The following PLD5 variants were observed in gnomAD, a reference collection of about 807,000 sequenced individuals.
PLD5 encodes phospholipase D family member 5.
A neutral mutation model predicts 61.1 loss-of-function variants in PLD5; 36 were observed. The ratio of observed to expected loss-of-function variants is 0.59; its 90% CI spans 0.45 to 0.78. PLD5 has a LOEUF of 0.78. Among genes scored for constraint, PLD5 ranks in the 30% least tolerant of loss-of-function variants. The pLI is 0.00. For missense variants in PLD5, 515 were observed against 644.4 expected, an observed-to-expected ratio of 0.80 and a Z score of 2.17; for synonymous variants, 243 against 242.8, an observed-to-expected ratio of 1.00 and a Z score of -0.01.
intron 5 of PLD5, among the ~76,000 whole-genome samples, chr1:242,219,113 C>T (rs1670402142): frequency 6.6e-6 from 1 of 152,162 alleles, no homozygotes; most frequent in African/African-American, 2.4e-5. Context: ...TAATTGTTAG[C>T]CTCAACTTTG....
In PLD5 at chr1:242,256,302, G is replaced by T. The variant is rs1005940255; in HGVS notation, c.607+9035C>A. 3.9e-5 allele frequency among the ~76,000 whole-genome samples: 6 copies of T among 152,212 alleles called. No individual in the cohort carries two copies. The highest frequency in any genetic ancestry group is 1.4e-4 in the African/African-American group (6 of 41,466). On this transcript the variant is annotated intron_variant, in intron 4 of 9. Transcript: ENST00000536534. The surrounding 1 kb of genome is among the most constrained non-coding windows in gnomAD (Gnocchi z 5.7). Reference sequence around the variant, plus strand: ...AGAAAGGAAACAATATGGATAAAAAGATAGGGAAATCTAGAAATTTAATTT... The same window carrying T: ...AGAAAGGAAACAATATGGATAAAAATATAGGGAAATCTAGAAATTTAATTT...
chr1:242,131,254 C>T (rs34937747), intron 5 of PLD5, among the ~76,000 whole-genome samples: 10,312 of 152,130 alleles, frequency 0.068, 464 homozygotes, highest in South Asian at 0.16. Context: ...TGCAGTGAAC[C>T]GAGATTGTGC....
chr1:242,406,486 G>A (rs1049579931), intron 1 of PLD5, among the ~76,000 whole-genome samples: 1 of 152,130 alleles, frequency 6.6e-6, no homozygotes, highest in Non-Finnish European at 1.5e-5. Context: ...CAGCAATTCT[G>A]TGGATCCCTA....
At chr1:242,495,890 T>C (rs1668353108) in intron 1 of PLD5, among the ~76,000 whole-genome samples, 1 of 152,214 alleles carries the variant, frequency 6.6e-6, no homozygotes, top group Non-Finnish European at 1.5e-5. Context: ...AAAAAGCAGA[T>C]GAAATAATAA....
chr1:242,438,392 T>C (rs1666107679), intron 1 of PLD5, among the ~76,000 whole-genome samples: 1 of 151,116 alleles, frequency 6.6e-6, no homozygotes, highest in Admixed American at 6.6e-5. Flanking sequence ...GTCTCCCAAA[T>C]AGCTGGGACT....
intron 5 of PLD5, among the ~76,000 whole-genome samples, chr1:242,146,471 T>TA (rs1171487097): frequency 3.9e-5 from 6 of 152,132 alleles, no homozygotes; most frequent in Non-Finnish European, 5.9e-5. Context: ...TCTATTTACC[T>TA]AAAAAAACCC....
At chr1:242,095,198 G>A (rs775125161) in intron 9 of PLD5, among the ~76,000 whole-genome samples, 1 of 151,984 alleles carries the variant, frequency 6.6e-6, no homozygotes, top group East Asian at 2.0e-4. Flanking sequence ...GCTTCCCAAA[G>A]CGCTGGAATT....
At chr1:242,308,926 G>C (rs1676532099) in intron 2 of PLD5, among the ~76,000 whole-genome samples, 1 of 152,124 alleles carries the variant, frequency 6.6e-6, no homozygotes, top group Non-Finnish European at 1.5e-5. Context: ...TTTGGGATTT[G>C]GAGGAGTGTG....
At chr1:242,164,403 T>TAAAA (rs34240432) in intron 5 of PLD5, among the ~76,000 whole-genome samples, 3 of 149,706 alleles carry the variant, frequency 2.0e-5, no homozygotes, top group African/African-American at 7.4e-5. Flanking sequence ...TGACAAATAT[T>TAAAA]AAAAAAAAAA....
upstream of PLD5, among the ~76,000 whole-genome samples, chr1:242,527,961 C>T (rs72765090): frequency 0.018 from 2,774 of 152,298 alleles, 30 homozygotes; most frequent in South Asian, 0.049. Context: ...CTAGCCCATT[C>T]GCTTCTTGGG....
intron 3 of PLD5, among the ~76,000 whole-genome samples, chr1:242,271,857 A>G (rs563885110): frequency 3.3e-5 from 5 of 151,834 alleles, no homozygotes; most frequent in Admixed American, 6.6e-5. Context: ...GAAGTCACAC[A>G]TTACAGGGGA....
At chr1:242,275,257 T>C (rs1674349466) in intron 3 of PLD5, among the ~76,000 whole-genome samples, 2 of 152,182 alleles carry the variant, frequency 1.3e-5, no homozygotes, top group African/African-American at 2.4e-5. Flanking sequence ...GATCATATGA[T>C]ATATGAATAT....
At chr1:242,116,617 C>T (rs1328826378) in intron 6 of PLD5, among the ~76,000 whole-genome samples, 4 of 152,036 alleles carry the variant, frequency 2.6e-5, no homozygotes, top group Admixed American at 2.6e-4. Flanking sequence ...ATCTCTATGT[C>T]CATGAGTAAC....
chr1:242,380,137 C>G (rs1406936667), intron 1 of PLD5, among the ~76,000 whole-genome samples: 2 of 152,114 alleles, frequency 1.3e-5, no homozygotes, highest in African/African-American at 4.8e-5. Flanking sequence ...TGAAAGAGAG[C>G]TAACATTTAG....
At chr1:242,421,149 T>C (rs1460175101) in intron 1 of PLD5, among the ~76,000 whole-genome samples, 3 of 128,466 alleles carry the variant, frequency 2.3e-5, no homozygotes, top group African/African-American at 9.1e-5. Flanking sequence ...CACTGCACTC[T>C]AGCCTGGGGA....
chr1:242,459,507 C>T (rs1004383886), intron 1 of PLD5, among the ~76,000 whole-genome samples: 4 of 152,112 alleles, frequency 2.6e-5, no homozygotes, highest in Non-Finnish European at 5.9e-5. Flanking sequence ...ATTCTTCAAT[C>T]CAATTGTGAT....
chr1:242,351,848 C>A (rs1253658022), intron 1 of PLD5, among the ~76,000 whole-genome samples: 1 of 152,158 alleles, frequency 6.6e-6, no homozygotes, highest in Non-Finnish European at 1.5e-5. Context: ...TCATGGGCCA[C>A]ATTTAGCAAC....
intron 1 of PLD5, among the ~76,000 whole-genome samples, chr1:242,368,836 A>T (rs1438062055): frequency 1.3e-5 from 2 of 152,136 alleles, no homozygotes; most frequent in African/African-American, 4.8e-5. Context: ...ATCTTTCAGG[A>T]TGCCCTTTGT....
chr1:242,475,915 C>T (rs1015273229), intron 1 of PLD5, among the ~76,000 whole-genome samples: 11 of 152,148 alleles, frequency 7.2e-5, no homozygotes, highest in African/African-American at 2.4e-4. Context: ...AGACCCTTCC[C>T]TCTCAGCCTC....
Sources: gnomAD v4.1 joint callset for allele counts (sites outside exome capture counted in the v4.1 genomes callset) on GRCh38, gnomAD v4.1.1 for gene constraint, Gnocchi (gnomAD v3.1) non-coding constraint, MANE v1.5 for transcripts, NCBI Gene and HGNC (gene_info 2026-07-23, HGNC 2026-07-21) for gene names.